KIAA0825: variants seen among roughly 807,000 people sequenced by gnomAD.
The protein encoded by KIAA0825 is KIAA0825.
Under a neutral mutation model 147.6 loss-of-function variants are expected in KIAA0825, and 119 were observed. That is an observed-to-expected ratio of 0.81 (90% confidence interval 0.69 to 0.94). KIAA0825 has a LOEUF of 0.94. KIAA0825 is among the 40% of genes least tolerant of loss of function. The pLI, the probability that KIAA0825 is intolerant of heterozygous loss-of-function variation, is 0.00. For missense variants in KIAA0825, 1,381 were observed against 1,472.7 expected, an observed-to-expected ratio of 0.94 and a Z score of 1.02; for synonymous variants, 470 against 518.1, an observed-to-expected ratio of 0.91 and a Z score of 1.26.
At chr5:94,265,482 C>A (rs1207656681) in intron 20 of KIAA0825, among the ~76,000 whole-genome samples, 1 of 152,126 alleles carries the variant, frequency 6.6e-6, no homozygotes, top group Non-Finnish European at 1.5e-5. Flanking sequence ...TTGTATTCTT[C>A]ACTGCCACGT....
At chr5:94,344,403 C>T (rs1458738098) in intron 20 of KIAA0825, among the ~76,000 whole-genome samples, 1 of 152,054 alleles carries the variant, frequency 6.6e-6, no homozygotes, top group Non-Finnish European at 1.5e-5. Context: ...ACAATGAAAA[C>T]ACAAAAATAA....
chr5:94,229,601 C>T (rs943692230), intron 20 of KIAA0825, among the ~76,000 whole-genome samples: 9 of 150,488 alleles, frequency 6.0e-5, no homozygotes, highest in Non-Finnish European at 1.2e-4. Context: ...ATTATTTGGG[C>T]GTTAGGAAGA....
intron 15 of KIAA0825, chr5:94,413,009 C>CA (rs1215076047): frequency 2.0e-5 from 3 of 147,132 alleles, no homozygotes; most frequent in Non-Finnish European, 4.5e-5. Flanking sequence ...GGCTGGGGTG[C>CA]AATGGCGTCT....
chr5:94,610,614 A>C lies in KIAA0825; in HGVS notation c.-153+7886T>G, dbSNP rs529038721. Among the ~76,000 whole-genome samples, 14 of 147,966 alleles carry C rather than the reference A, an allele frequency of 9.5e-5. No homozygotes were observed. In the South Asian group the frequency reaches 3.0e-3, roughly 31 times the overall value. On this transcript the variant is annotated intron_variant, in intron 1 of 20. Transcript: ENST00000682413. ...CCTATCTCTACTAAAATACAAAAAA[A>C]ATTAGCTGGGCATGGACTGTGTGCC...
chr5:94,350,865 A>T (rs1393167342), intron 20 of KIAA0825, among the ~76,000 whole-genome samples: 1 of 151,910 alleles, frequency 6.6e-6, no homozygotes, highest in Non-Finnish European at 1.5e-5. Flanking sequence ...TGAGAACTGG[A>T]ACAAGACAAG....
At chr5:94,442,876 T>C (rs1353441257) in intron 13 of KIAA0825, among the ~76,000 whole-genome samples, 1 of 152,166 alleles carries the variant, frequency 6.6e-6, no homozygotes, top group Non-Finnish European at 1.5e-5. Context: ...GTGGAGAGCC[T>C]TAATATCCCA....
intron 3 of KIAA0825, among the ~76,000 whole-genome samples, chr5:94,530,301 T>C (rs935584212): frequency 6.9e-6 from 1 of 145,524 alleles, no homozygotes; most frequent in South Asian, 2.2e-4. Context: ...AAAAAGGAAT[T>C]ACTTTTAAAT....
At chr5:94,208,776 C>G (rs1027576782) in intron 20 of KIAA0825, among the ~76,000 whole-genome samples, 1 of 152,142 alleles carries the variant, frequency 6.6e-6, no homozygotes, top group African/African-American at 2.4e-5. Flanking sequence ...TGTTTGTGAA[C>G]AAATGGAGCA....
At chr5:94,230,460 A>G (rs1469961139) in intron 20 of KIAA0825, among the ~76,000 whole-genome samples, 11 of 152,064 alleles carry the variant, frequency 7.2e-5, no homozygotes, top group Non-Finnish European at 1.6e-4. Context: ...GAATCCCCCT[A>G]CTTTGTAAGA....
chr5:94,515,892 A>G (rs1767161488), intron 5 of KIAA0825, among the ~76,000 whole-genome samples: 1 of 152,164 alleles, frequency 6.6e-6, no homozygotes, highest in Non-Finnish European at 1.5e-5. Flanking sequence ...ACTTTGTAAG[A>G]GTATCTGTAA....
intron 20 of KIAA0825, among the ~76,000 whole-genome samples, chr5:94,194,167 A>G (rs1770919618): frequency 6.6e-6 from 1 of 152,134 alleles, no homozygotes; most frequent in African/African-American, 2.4e-5. Context: ...CTGCTTGCAG[A>G]CAATGTCTCC....
intron 4 of KIAA0825, among the ~76,000 whole-genome samples, chr5:94,523,010 T>C: frequency 6.6e-6 from 1 of 151,638 alleles, no homozygotes; most frequent in East Asian, 1.9e-4. Flanking sequence ...GGGTGAGAGG[T>C]TTCCTTAAAA....
chr5:94,542,824 A>T (rs1377759138), intron 2 of KIAA0825, among the ~76,000 whole-genome samples: 1 of 152,104 alleles, frequency 6.6e-6, no homozygotes, highest in African/African-American at 2.4e-5. Context: ...AGAAAGAAAA[A>T]AAAAGAATCT....
At chr5:94,508,035 T>A (rs888524747) in intron 5 of KIAA0825, among the ~76,000 whole-genome samples, 6 of 152,140 alleles carry the variant, frequency 3.9e-5, no homozygotes, top group Admixed American at 2.6e-4. Flanking sequence ...AACTTAAAAG[T>A]AGTGTTATTT....
Position 94,523,969 on chromosome 5 carries a change from GA to G in KIAA0825, c.260del (p.Phe87SerfsTer7), listed in dbSNP as rs1420552337. 1 of 1,602,202 alleles carries G rather than the reference GA, an allele frequency of 6.2e-7. No homozygotes were observed. The highest frequency in any genetic ancestry group is 2.2e-5 in the East Asian group (1 of 44,618). On this transcript the variant is annotated frameshift_variant, in exon 4 of 21. Coordinates refer to ENST00000682413, the MANE Select transcript of KIAA0825 (RefSeq NM_001145678.3). LOFTEE classifies it high-confidence loss of function. ...ATTTTATCAAGTCTCCATGAGAAATGAAAGATGATTCAGATGTACTGTAATT... is the reference window on the plus strand; with the variant it reads ...ATTTTATCAAGTCTCCATGAGAAATGAAGATGATTCAGATGTACTGTAATT... ...NYNYSTSESS[F>X]ISHGDLIKFF...
chr5:94,276,439 A>G (rs1171527138), intron 20 of KIAA0825, among the ~76,000 whole-genome samples: 1 of 152,118 alleles, frequency 6.6e-6, no homozygotes, highest in Admixed American at 6.6e-5. Context: ...AAAAGACCAC[A>G]TTAGCTATGC....
intron 20 of KIAA0825, among the ~76,000 whole-genome samples, chr5:94,365,360 C>T (rs1031429879): frequency 6.6e-6 from 1 of 152,212 alleles, no homozygotes; most frequent in Non-Finnish European, 1.5e-5. Flanking sequence ...TTCACCAGAA[C>T]CTTAATCCTG....
chr5:94,172,964 A>G (rs1205358204), intron 20 of KIAA0825, among the ~76,000 whole-genome samples: 1 of 152,224 alleles, frequency 6.6e-6, no homozygotes, highest in Non-Finnish European at 1.5e-5. Context: ...GAGATACCTC[A>G]TAAATCAGGG....
intron 15 of KIAA0825, among the ~76,000 whole-genome samples, chr5:94,406,241 C>A (rs1024017540): frequency 3.3e-5 from 5 of 152,120 alleles, no homozygotes; most frequent in African/African-American, 1.2e-4. Flanking sequence ...TGTATTTAAA[C>A]AGTCCTCTAT....
Sources: gnomAD v4.1 joint callset for allele counts (sites outside exome capture counted in the v4.1 genomes callset) on GRCh38, gnomAD v4.1.1 for gene constraint, MANE v1.5 for transcripts, NCBI Gene and HGNC (gene_info 2026-07-23, HGNC 2026-07-21) for gene names.